The following PRKG1 variants were observed in gnomAD, a reference collection of about 807,000 sequenced individuals.
PRKG1 encodes the protein protein kinase cGMP-dependent 1.
Under a neutral mutation model 88.1 loss-of-function variants are expected in PRKG1, and 35 were observed. The observed-to-expected ratio is 0.40, with a 90% CI of 0.30 to 0.53. The LOEUF is 0.53. Among genes scored for constraint, PRKG1 ranks in the 20% least tolerant of loss-of-function variants. The pLI, the probability that PRKG1 is intolerant of heterozygous loss-of-function variation, is 0.59. For missense variants in PRKG1, 540 were observed against 839.8 expected (o/e 0.64, Z 4.41); for synonymous variants, 303 against 292.5 (o/e 1.04, Z -0.37).
chr10:51,579,996 T>C (rs1021169026), intron 3 of PRKG1, among the ~76,000 whole-genome samples: 13 of 152,152 alleles, frequency 8.5e-5, no homozygotes, highest in African/African-American at 2.9e-4. Flanking sequence ...TTCTTCTCTC[T>C]CTACCTCTCT....
At chr10:51,952,672 G>A (rs949597239) in intron 5 of PRKG1, among the ~76,000 whole-genome samples, 11 of 152,074 alleles carry the variant, frequency 7.2e-5, no homozygotes, top group Non-Finnish European at 5.9e-5. Context: ...ATTAAAGGAG[G>A]CATCATGGTA....
intron 10 of PRKG1, among the ~76,000 whole-genome samples, chr10:52,253,832 T>A (rs1418102062): frequency 6.6e-6 from 1 of 151,914 alleles, no homozygotes; most frequent in East Asian, 1.9e-4. Flanking sequence ...TCAAAATGGA[T>A]CATTGGGTAC....
At chr10:51,091,152 T>C (rs1398043087) in intron 1 of PRKG1, among the ~76,000 whole-genome samples, 1 of 152,188 alleles carries the variant, frequency 6.6e-6, no homozygotes, top group Middle Eastern at 3.2e-3. Context: ...TGCTTTAGAA[T>C]AAAAATAAAA....
intron 2 of PRKG1, among the ~76,000 whole-genome samples, chr10:51,290,486 G>A (rs796982866): frequency 1.3e-5 from 2 of 151,910 alleles, no homozygotes; most frequent in Non-Finnish European, 2.9e-5. Context: ...GACTATTTTT[G>A]TAATGGTCTG....
At chr10:51,558,491 T>C (rs1035800463) in intron 3 of PRKG1, among the ~76,000 whole-genome samples, 1 of 152,066 alleles carries the variant, frequency 6.6e-6, no homozygotes, top group African/African-American at 2.4e-5. Flanking sequence ...CCAATAGAAG[T>C]GTTCTTGCCG....
intron 7 of PRKG1, among the ~76,000 whole-genome samples, chr10:52,113,193 G>C (rs1231432841): frequency 6.6e-6 from 1 of 152,190 alleles, no homozygotes; most frequent in Non-Finnish European, 1.5e-5. Flanking sequence ...TTACTAAAAT[G>C]TGCATAGTTG....
intron 4 of PRKG1, among the ~76,000 whole-genome samples, chr10:51,872,094 G>A (rs569828810): frequency 1.3e-5 from 2 of 152,080 alleles, no homozygotes; most frequent in South Asian, 2.1e-4. Flanking sequence ...TTTGTTTTGC[G>A]TACTTCATCT....
intron 3 of PRKG1, among the ~76,000 whole-genome samples, chr10:51,494,174 C>G (rs1038057299): frequency 6.6e-6 from 1 of 152,130 alleles, no homozygotes; most frequent in Admixed American, 6.5e-5. Context: ...CCTTCCACCC[C>G]ACTCTCTCAG....
chr10:51,266,669 GT>G (rs1839843724), intron 2 of PRKG1, among the ~76,000 whole-genome samples: 1 of 152,178 alleles, frequency 6.6e-6, no homozygotes, highest in Non-Finnish European at 1.5e-5. Flanking sequence ...AGTACGGGCT[GT>G]TTTTTATTAA....
At chr10:51,784,426 C>T (rs1434190531) in intron 3 of PRKG1, among the ~76,000 whole-genome samples, 7 of 152,190 alleles carry the variant, frequency 4.6e-5, no homozygotes, top group African/African-American at 9.6e-5. Context: ...CAGAAGCATA[C>T]GTTGGTCATC....
chr10:51,832,267 C>T (rs1840023752), intron 4 of PRKG1, among the ~76,000 whole-genome samples: 1 of 152,156 alleles, frequency 6.6e-6, no homozygotes, highest in East Asian at 1.9e-4. Context: ...ATGCTTATTA[C>T]ACAAAGCAAC....
At chr10:51,896,032 C>T (rs55984500) in intron 4 of PRKG1, among the ~76,000 whole-genome samples, 4,221 of 152,138 alleles carry the variant, frequency 0.028, 144 homozygotes, top group African/African-American at 0.082. Flanking sequence ...GGACATGACA[C>T]GCTTCCTAGA....
intron 5 of PRKG1, among the ~76,000 whole-genome samples, chr10:51,930,495 C>CTTTTTTT (rs3029977): frequency 5.7e-5 from 6 of 104,472 alleles, no homozygotes; most frequent in East Asian, 6.3e-4. Flanking sequence ...TTTTTTTCCT[C>CTTTTTTT]TTTTTTTTTT....
chr10:51,933,550 A>G (rs1386117828), intron 5 of PRKG1, among the ~76,000 whole-genome samples: 4 of 152,060 alleles, frequency 2.6e-5, no homozygotes, highest in African/African-American at 9.7e-5. Context: ...TGCCTTCTTC[A>G]CCCAAACAGA....
chr10:51,748,707 A>G (rs1167522581), intron 3 of PRKG1, among the ~76,000 whole-genome samples: 1 of 152,256 alleles, frequency 6.6e-6, no homozygotes, highest in Non-Finnish European at 1.5e-5. Context: ...TTTGAAGTTC[A>G]CAAACTTTAT....
At chr10:51,656,804 C>G (rs1039796780) in intron 3 of PRKG1, among the ~76,000 whole-genome samples, 1 of 152,102 alleles carries the variant, frequency 6.6e-6, no homozygotes, top group Non-Finnish European at 1.5e-5. Context: ...ACCAACAAAC[C>G]TTTTCAACAG....
At chr10:51,483,604 G>T (rs1840435733) in intron 3 of PRKG1, among the ~76,000 whole-genome samples, 1 of 152,044 alleles carries the variant, frequency 6.6e-6, no homozygotes, top group African/African-American at 2.4e-5. Flanking sequence ...CATTTCTCAG[G>T]ATACTTGTAT....
At chr10:51,042,662 A>G (rs539577654) in intron 1 of PRKG1, among the ~76,000 whole-genome samples, 1 of 152,316 alleles carries the variant, frequency 6.6e-6, no homozygotes, top group East Asian at 1.9e-4. Flanking sequence ...AGAGAGCAAG[A>G]TGCCAGCCTG....
intron 2 of PRKG1, among the ~76,000 whole-genome samples, chr10:51,231,958 C>T (rs1159057660): frequency 1.3e-5 from 2 of 152,208 alleles, no homozygotes; most frequent in Non-Finnish European, 2.9e-5. Flanking sequence ...ATACCAGTCT[C>T]ATTTTTACTG....
Sources: allele counts gnomAD v4.1 joint callset (sites outside exome capture counted in the v4.1 genomes callset), GRCh38; gene constraint gnomAD v4.1.1; transcripts MANE v1.5; gene names NCBI Gene and HGNC (gene_info 2026-07-23, HGNC 2026-07-21).